The following ENTHD1 variants were observed in gnomAD, a reference collection of about 807,000 sequenced individuals.
The protein encoded by ENTHD1 is ENTH domain-containing protein 1.
ENTHD1 carries 23 observed loss-of-function variants against 39.1 expected under a neutral mutation model. That is an observed-to-expected ratio of 0.59 (90% CI 0.42 to 0.83). ENTHD1 has a LOEUF of 0.83. Ranked by LOEUF, ENTHD1 falls within the 40% of genes least tolerant of loss-of-function variation. The probability of loss-of-function intolerance (pLI) is 0.00; values close to 1 mark genes in which losing one functional copy is unlikely to be tolerated. For synonymous variants in ENTHD1, 230 were observed against 258.2 expected, an observed-to-expected ratio of 0.89 and a Z score of 1.05; for missense variants, 624 against 705.4, an observed-to-expected ratio of 0.88 and a Z score of 1.31.
chr22:39,817,108 G>T (rs1160699313), intron 5 of ENTHD1, among the ~76,000 whole-genome samples: 2 of 152,072 alleles, frequency 1.3e-5, no homozygotes, highest in Non-Finnish European at 2.9e-5. Flanking sequence ...AAAACATAAG[G>T]CTTGAAAACA....
At chr22:39,756,366 A>G (rs2065186175) in intron 6 of ENTHD1, among the ~76,000 whole-genome samples, 1 of 148,860 alleles carries the variant, frequency 6.7e-6, no homozygotes, top group Non-Finnish European at 1.5e-5. Flanking sequence ...AGAGAGTCTC[A>G]CTCTGTCACC....
intron 5 of ENTHD1, among the ~76,000 whole-genome samples, chr22:39,796,600 G>A (rs1412523667): frequency 6.6e-6 from 1 of 152,130 alleles, no homozygotes; most frequent in Non-Finnish European, 1.5e-5. Context: ...TTTGTGTCAG[G>A]AAAGTTTTAA....
chr22:39,803,240 C>G (rs1203716603), intron 5 of ENTHD1, among the ~76,000 whole-genome samples: 3 of 152,030 alleles, frequency 2.0e-5, no homozygotes, highest in Non-Finnish European at 4.4e-5. Flanking sequence ...CCTTGCAATT[C>G]TAGAAGCAAA....
chr22:39,847,468 T>C (rs1036520272), intron 3 of ENTHD1, among the ~76,000 whole-genome samples: 2 of 151,358 alleles, frequency 1.3e-5, no homozygotes, highest in African/African-American at 4.9e-5. Flanking sequence ...CATGTATACA[T>C]ATGTAACCTG....
chr22:39,804,221 C>T (rs1371156632), intron 5 of ENTHD1, among the ~76,000 whole-genome samples: 1 of 151,980 alleles, frequency 6.6e-6, no homozygotes, highest in East Asian at 1.9e-4. Context: ...TGCAGTGGCT[C>T]ATGCCTGTCA....
chr22:39,866,651 G>A (rs1007400062), intron 2 of ENTHD1, among the ~76,000 whole-genome samples: 2 of 152,120 alleles, frequency 1.3e-5, no homozygotes, highest in African/African-American at 2.4e-5. Flanking sequence ...ACCCTCTCCC[G>A]CTGTGCCCTA....
chr22:39,789,820 CTGGGGAATGAGCAGGCTGG>C lies in ENTHD1; in HGVS notation c.833-24230_833-24212del, dbSNP rs1380993328. On this transcript the variant is annotated intron_variant, in intron 5 of 6. Coordinates refer to ENST00000325157, the MANE Select transcript of ENTHD1 (RefSeq NM_152512.4). ...AAGCAGCCAAGGGGTATAGGGAAAG[CTGGGGAATGAGCAGGCTGG>C]TGGGGAATGAGCAGGAAGGGGTGGG... Among the ~76,000 whole-genome samples, 3 of 152,098 alleles carry C rather than the reference CTGGGGAATGAGCAGGCTGG, an allele frequency of 2.0e-5. No homozygotes were observed. The East Asian group carries it at 5.8e-4, about 29-fold the overall frequency.
In ENTHD1 at chr22:39,821,061, G is replaced by A. The variant is rs2146649548; in HGVS notation, c.764C>T (p.Pro255Leu). 6.2e-7 allele frequency: 1 copy of A among 1,614,042 alleles called. No individual in the cohort carries two copies. The highest frequency in any genetic ancestry group is 2.2e-5 in the East Asian group (1 of 44,864). Residue 255 changes from proline to leucine, a missense_variant, in exon 5 of 7, where the codon CCT (proline) becomes CTT (leucine). Physicochemically the swap from Pro to Leu is moderately conservative, Grantham distance 98. Coordinates refer to ENST00000325157, the MANE Select transcript of ENTHD1 (RefSeq NM_152512.4). ...DDPELPLLAT[P>L]PSIVSPITCL... ...AGTGATTGGAGAGACAATGGAAGGAGGTGTTGCTAGTAAAGGCAGCTCTGG... is the reference window on the plus strand; with the variant it reads ...AGTGATTGGAGAGACAATGGAAGGAAGTGTTGCTAGTAAAGGCAGCTCTGG...
At chr22:39,787,036 C>T (rs2065464465) in intron 5 of ENTHD1, among the ~76,000 whole-genome samples, 1 of 146,780 alleles carries the variant, frequency 6.8e-6, no homozygotes, top group Non-Finnish European at 1.5e-5. Flanking sequence ...TTTCCAACAG[C>T]TTGTCACTTC....
intron 5 of ENTHD1, among the ~76,000 whole-genome samples, chr22:39,779,897 T>C (rs895577413): frequency 4.6e-5 from 7 of 152,214 alleles, no homozygotes; most frequent in African/African-American, 1.4e-4. Context: ...AGATGGGTTT[T>C]TTTTGGTAAG....
chr22:39,855,959 C>A (rs868402969), intron 3 of ENTHD1, among the ~76,000 whole-genome samples: 1 of 152,224 alleles, frequency 6.6e-6, no homozygotes, highest in Non-Finnish European at 1.5e-5. Flanking sequence ...TAATTTGCTA[C>A]TTCTCCTGTC....
chr22:39,832,848 G>A (rs923542350), intron 4 of ENTHD1, among the ~76,000 whole-genome samples: 2 of 152,190 alleles, frequency 1.3e-5, no homozygotes, highest in African/African-American at 2.4e-5. Flanking sequence ...GGAAGGAAGG[G>A]AGTCTGCAGT....
chr22:39,828,559 T>C (rs899940848), intron 4 of ENTHD1, among the ~76,000 whole-genome samples: 4 of 152,204 alleles, frequency 2.6e-5, no homozygotes, highest in Non-Finnish European at 5.9e-5. Flanking sequence ...AACAAATATT[T>C]ATCGTGTATC....
chr22:39,849,204 G>A (rs1330440174), intron 3 of ENTHD1, among the ~76,000 whole-genome samples: 1 of 152,090 alleles, frequency 6.6e-6, no homozygotes, highest in Non-Finnish European at 1.5e-5. Context: ...GGTAAATTCT[G>A]GAATCAGTAC....
chr22:39,749,959 C>T (rs2065136028), intron 6 of ENTHD1, among the ~76,000 whole-genome samples: 3 of 152,320 alleles, frequency 2.0e-5, no homozygotes, highest in Middle Eastern at 6.8e-3. Context: ...ACTCCTGGAC[C>T]AGGATCAGTG....
chr22:39,773,170 G>C (rs1385076496), intron 5 of ENTHD1, among the ~76,000 whole-genome samples: 1 of 146,418 alleles, frequency 6.8e-6, no homozygotes, highest in Non-Finnish European at 1.5e-5. Context: ...TAAAGAACTG[G>C]CCAAATCCAA....
intron 2 of ENTHD1, among the ~76,000 whole-genome samples, chr22:39,884,794 G>C (rs1047103838): frequency 6.6e-6 from 1 of 152,156 alleles, no homozygotes; most frequent in African/African-American, 2.4e-5. Flanking sequence ...TGGTAGCAGG[G>C]CATCTTCATG....
At chr22:39,818,697 A>C (rs1221143181) in intron 5 of ENTHD1, among the ~76,000 whole-genome samples, 3 of 152,218 alleles carry the variant, frequency 2.0e-5, no homozygotes, top group Admixed American at 1.3e-4. Context: ...TATCTCTGAG[A>C]CTACTGTAAA....
intron 4 of ENTHD1, among the ~76,000 whole-genome samples, chr22:39,822,543 C>T (rs1336383940): frequency 6.6e-6 from 1 of 152,112 alleles, no homozygotes; most frequent in Non-Finnish European, 1.5e-5. Flanking sequence ...TAGTTCCTCC[C>T]TCCTTTCCTA....
Sources: allele counts gnomAD v4.1 joint callset (sites outside exome capture counted in the v4.1 genomes callset), GRCh38; gene constraint gnomAD v4.1.1; transcripts MANE v1.5; gene names NCBI Gene and HGNC (gene_info 2026-07-23, HGNC 2026-07-21).